Variants in CALCR observed in about 807,000 individuals in gnomAD.
CALCR encodes the protein calcitonin receptor.
Under a neutral mutation model 59.5 loss-of-function variants are expected in CALCR, and 47 were observed. The observed-to-expected ratio is 0.79, with a 90% confidence interval of 0.63 to 1.01. The LOEUF is 1.01. Ranked by LOEUF, CALCR falls within the 50% of genes least tolerant of loss-of-function variation. CALCR has a pLI of 0.00. For missense variants in CALCR, 566 were observed against 597.1 expected (o/e 0.95, Z 0.54); for synonymous variants, 213 against 211.3 (o/e 1.01, Z -0.07).
intron 2 of CALCR, among the ~76,000 whole-genome samples, chr7:93,568,225 C>T (rs1365015447): frequency 2.0e-5 from 3 of 152,030 alleles, no homozygotes; most frequent in Non-Finnish European, 4.4e-5. Flanking sequence ...CCAGGAAAGG[C>T]TAAAAAGAAG....
At chr7:93,548,937 T>G (rs543280819) in intron 2 of CALCR, among the ~76,000 whole-genome samples, 165 of 151,938 alleles carry the variant, frequency 1.1e-3, no homozygotes, top group African/African-American at 3.7e-3. Context: ...AAGATTTACA[T>G]TTTTATACCA....
intron 2 of CALCR, among the ~76,000 whole-genome samples, chr7:93,533,370 A>G (rs1788898813): frequency 6.6e-6 from 1 of 151,898 alleles, no homozygotes; most frequent in African/African-American, 2.4e-5. Flanking sequence ...CTTGGCGCCA[A>G]TCATCCAGTA....
At chr7:93,517,537 A>G (rs575640306) in intron 2 of CALCR, among the ~76,000 whole-genome samples, 2 of 151,906 alleles carry the variant, frequency 1.3e-5, no homozygotes, top group Non-Finnish European at 2.9e-5. Context: ...CAGCACTGCT[A>G]TCTTTTTAGA....
intron 5 of CALCR, among the ~76,000 whole-genome samples, chr7:93,474,173 G>A (rs1800616096): frequency 1.3e-5 from 2 of 151,492 alleles, no homozygotes; most frequent in South Asian, 4.2e-4. Flanking sequence ...TGAGATTCTG[G>A]GTAAAGTGCA....
At chr7:93,524,164 ATTTTTTTTTCTTTTT>A (rs1801824090) in intron 2 of CALCR, among the ~76,000 whole-genome samples, 1 of 144,102 alleles carries the variant, frequency 6.9e-6, no homozygotes, top group South Asian at 2.2e-4. Context: ...TTTATTTACT[ATTTTTTTTTCTTTTT>A]TTTTTTTTTG....
intron 2 of CALCR, among the ~76,000 whole-genome samples, chr7:93,542,315 A>G (rs1034117242): frequency 2.0e-5 from 3 of 152,214 alleles, no homozygotes; most frequent in African/African-American, 7.2e-5. Flanking sequence ...CAACTGTAAC[A>G]TGATGGCAAG....
At chr7:93,560,284 T>C (rs529822090) in intron 2 of CALCR, among the ~76,000 whole-genome samples, 27 of 152,106 alleles carry the variant, frequency 1.8e-4, no homozygotes, top group Non-Finnish European at 3.2e-4. Flanking sequence ...TAATATTCCA[T>C]TGACAATTAA....
At chr7:93,432,781 C>T (rs1799684812) in intron 13 of CALCR, among the ~76,000 whole-genome samples, 1 of 152,058 alleles carries the variant, frequency 6.6e-6, no homozygotes, top group Admixed American at 6.5e-5. Context: ...TTATTTTAGA[C>T]AAAAAATTTA....
chr7:93,472,174 A>C (rs561391041), intron 6 of CALCR, among the ~76,000 whole-genome samples: 1 of 151,814 alleles, frequency 6.6e-6, no homozygotes, highest in South Asian at 2.1e-4. Flanking sequence ...TTGACTCTTG[A>C]CTCTGAGTGC....
chr7:93,438,185 A>C (rs370647902), intron 10 of CALCR, 25 bp downstream of exon 10: 8 of 1,610,764 alleles, frequency 5.0e-6, no homozygotes, highest in Non-Finnish European at 5.1e-6. Flanking sequence ...GAATATGTTA[A>C]CTTAAACATC....
chr7:93,477,461 A>G, intron 5 of CALCR, 97 bp downstream of exon 5: 1 of 739,024 alleles, frequency 1.4e-6, no homozygotes, highest in Non-Finnish European at 2.3e-6. Context: ...GTGGAGTATG[A>G]TTAGGTGGGT....
rs770479251 is a variant in CALCR at position 93,488,582 on chromosome 7, G to GCAAA, written c.-26-1576_-26-1575insTTTG. 7.6e-4 allele frequency among the ~76,000 whole-genome samples: 59 copies of GCAAA among 78,040 alleles called. 6 individuals carry two copies. Among genetic ancestry groups the GCAAA allele is most frequent in the Middle Eastern group, 8.6e-3 (1 of 116 alleles). The allele number at this position is 78,040 out of a possible 152,430, so 51.2% of individuals were successfully genotyped here. A position where few individuals can be genotyped will look rare whatever the true frequency, so the allele number is the denominator to read the frequency against. Reference sequence around the variant, plus strand: ...GGAAAATTTACCAAGCAAATGGAAAGAAAAAAAAAAAAAAAAAAAGCATGG... The same window carrying GCAAA: ...GGAAAATTTACCAAGCAAATGGAAAGCAAAAAAAAAAAAAAAAAAAAAAGCATGG... On this transcript the variant is annotated intron_variant, in intron 2 of 13. Transcript: ENST00000426151.
At chr7:93,525,162 CATA>C (rs1801850361) in intron 2 of CALCR, among the ~76,000 whole-genome samples, 7 of 151,450 alleles carry the variant, frequency 4.6e-5, no homozygotes, top group Admixed American at 4.6e-4. Context: ...GTTTCTTTTT[CATA>C]ATAATATTTT....
intron 8 of CALCR, among the ~76,000 whole-genome samples, chr7:93,460,600 T>TATATATGTATAC (rs1562982612): frequency 2.2e-5 from 3 of 137,172 alleles, no homozygotes; most frequent in African/African-American, 8.5e-5. Context: ...TATGTATATA[T>TATATATGTATAC]ATATATATAT....
chr7:93,445,433 G>A (rs1212621952), intron 8 of CALCR, among the ~76,000 whole-genome samples: 2 of 152,084 alleles, frequency 1.3e-5, no homozygotes, highest in Admixed American at 1.3e-4. Flanking sequence ...GGGAGAAGGA[G>A]ATGGGAAGAG....
chr7:93,463,937 C>G (rs1219174079), intron 7 of CALCR, among the ~76,000 whole-genome samples: 1 of 151,916 alleles, frequency 6.6e-6, no homozygotes, highest in African/African-American at 2.4e-5. Flanking sequence ...ACCATAAATT[C>G]TCCAGTAGTA....
chr7:93,556,726 C>A (rs1054252148), intron 2 of CALCR, among the ~76,000 whole-genome samples: 2 of 151,918 alleles, frequency 1.3e-5, no homozygotes. Flanking sequence ...ACCATATTTT[C>A]ATGTCAGTAC....
At chr7:93,479,686 C>T (rs1422585871) in intron 3 of CALCR, among the ~76,000 whole-genome samples, 179 bp from the exon 4 acceptor site, 1 of 151,762 alleles carries the variant, frequency 6.6e-6, no homozygotes, top group Non-Finnish European at 1.5e-5. Context: ...ATTTCATCTA[C>T]AAATTCTACT....
At chr7:93,531,355 T>C (rs550567384) in intron 2 of CALCR, among the ~76,000 whole-genome samples, 1 of 152,214 alleles carries the variant, frequency 6.6e-6, no homozygotes, top group Admixed American at 6.6e-5. Context: ...AGTCTTTGCA[T>C]ACCAGCAGGG....
Sources: gnomAD v4.1 joint callset for allele counts (sites outside exome capture counted in the v4.1 genomes callset) on GRCh38, gnomAD v4.1.1 for gene constraint, MANE v1.5 for transcripts, NCBI Gene and HGNC (gene_info 2026-07-23, HGNC 2026-07-21) for gene names.